The following PDE10A variants were observed in gnomAD, a reference collection of about 807,000 sequenced individuals.
PDE10A encodes phosphodiesterase 10A.
In PDE10A, 39 loss-of-function variants were observed where a neutral mutation model predicts 97.7. The observed-to-expected ratio is 0.40, with a 90% CI of 0.31 to 0.52. The LOEUF is 0.52. PDE10A is among the 20% of genes least tolerant of loss of function. The pLI is 0.56. For synonymous variants in PDE10A, 371 were observed against 376.8 expected, an observed-to-expected ratio of 0.98 and a Z score of 0.18; for missense variants, 731 against 1,047.8, an observed-to-expected ratio of 0.70 and a Z score of 4.17.
At chr6:165,650,862 C>A (rs1444992234) in intron 1 of PDE10A, among the ~76,000 whole-genome samples, 1 of 152,092 alleles carries the variant, frequency 6.6e-6, no homozygotes, top group Non-Finnish European at 1.5e-5. Flanking sequence ...CTCAGCCTCC[C>A]CAGTAGCTGG....
At position 165,343,376 on chromosome 6, in the gene PDE10A, G is replaced by C. The variant is rs771421953; in HGVS notation, c.2895+15C>G. 1.3e-6 allele frequency: 2 copies of C among 1,506,820 alleles called. No homozygotes were observed. The highest frequency in any genetic ancestry group is 1.1e-5 in the South Asian group (1 of 88,838). The allele number at this position is 1,506,820 out of a possible 1,614,324, so 93.3% of individuals were successfully genotyped here. On this transcript the variant is annotated intron_variant, in intron 19 of 21. Coordinates refer to ENST00000539869, the MANE Select transcript of PDE10A (RefSeq NM_001385079.1). ...CTCCTCACTATCTATGTCAATATAA[G>C]AATCAAGGACATACCTCAGCCCAGA... is the stretch of plus-strand genomic sequence containing the variant.
chr6:165,596,074 GATACCTTTATGGTGGAAAC>G (rs1786571427), intron 1 of PDE10A, among the ~76,000 whole-genome samples: 1 of 152,124 alleles, frequency 6.6e-6, no homozygotes, highest in Non-Finnish European at 1.5e-5. Context: ...AAGGAGAAAC[GATACCTTTATGGTGGAAAC>G]ATCTGGCAGA....
chr6:165,541,303 T>C (rs1011589428), intron 2 of PDE10A, among the ~76,000 whole-genome samples: 3 of 151,036 alleles, frequency 2.0e-5, no homozygotes, highest in African/African-American at 7.3e-5. Flanking sequence ...ATAAAAAACA[T>C]CTCCTTATAA....
chr6:165,359,781 G>A (rs1173460412), intron 18 of PDE10A, among the ~76,000 whole-genome samples: 1 of 151,764 alleles, frequency 6.6e-6, no homozygotes, highest in Non-Finnish European at 1.5e-5. Context: ...TGGGCTATAT[G>A]TAACATCTGT....
rs1488015754 is a variant in PDE10A, at chr6:165,662,757, C to T, written c.55G>A (p.Ala19Thr). ...GGGCCGCAGCCCGGCTCGTCCCCGGCCGCTGGCAGGGGACCCTGGGGGCGG... is the reference window on the plus strand; with the variant it reads ...GGGCCGCAGCCCGGCTCGTCCCCGGTCGCTGGCAGGGGACCCTGGGGGCGG... ...APRPQGPLPA[A>T]GDEPGCGPGK... is the part of the protein sequence containing the mutation. The change falls in exon 1 of 22, where the codon GCC becomes ACC. Residue 19 changes from alanine (A) to threonine (T), a missense_variant. Coordinates refer to ENST00000539869, the MANE Select transcript of PDE10A (RefSeq NM_001385079.1). 1.4e-5 allele frequency among the ~76,000 whole-genome samples: 2 copies of T among 148,120 alleles called. No individual in the cohort carries two copies. Among genetic ancestry groups the T allele is most frequent in the East Asian group, 4.1e-4 (2 of 4,882 alleles).
intron 1 of PDE10A, among the ~76,000 whole-genome samples, chr6:165,783,473 A>G (rs1370014947): frequency 6.6e-6 from 1 of 152,248 alleles, no homozygotes; most frequent in African/African-American, 2.4e-5. Flanking sequence ...GAGTACACTT[A>G]AAAAGAGGCC....
intron 3 of PDE10A, among the ~76,000 whole-genome samples, chr6:165,476,491 G>A (rs1322232312): frequency 6.6e-6 from 1 of 152,188 alleles, no homozygotes; most frequent in Non-Finnish European, 1.5e-5. Context: ...GTTCTAGAAT[G>A]TGTAGTAAAA....
At chr6:165,874,346 A>T (rs1212459645) in intron 1 of PDE10A, among the ~76,000 whole-genome samples, 1 of 149,752 alleles carries the variant, frequency 6.7e-6, no homozygotes, top group Non-Finnish European at 1.5e-5. Context: ...TGCTACTCAT[A>T]TGGTGGAAGA....
At chr6:165,540,992 A>G (rs1018313477) in intron 2 of PDE10A, among the ~76,000 whole-genome samples, 1 of 152,164 alleles carries the variant, frequency 6.6e-6, no homozygotes, top group African/African-American at 2.4e-5. Flanking sequence ...TGAAGGGAGG[A>G]AGCCTGGTTT....
At chr6:165,896,058 C>G (rs1456913775) in intron 1 of PDE10A, among the ~76,000 whole-genome samples, 1 of 152,208 alleles carries the variant, frequency 6.6e-6, no homozygotes, top group Non-Finnish European at 1.5e-5. Context: ...ACTGCAGAAG[C>G]AAAGGCCACA....
chr6:165,892,088 A>G (rs1330664304), intron 1 of PDE10A, among the ~76,000 whole-genome samples: 1 of 152,154 alleles, frequency 6.6e-6, no homozygotes, highest in Non-Finnish European at 1.5e-5. Flanking sequence ...GAAGAAGGAA[A>G]AAGTATTTAT....
At chr6:165,867,592 T>A (rs1376735565) in intron 1 of PDE10A, among the ~76,000 whole-genome samples, 1 of 151,950 alleles carries the variant, frequency 6.6e-6, no homozygotes, top group African/African-American at 2.4e-5. Flanking sequence ...GACTTCTACA[T>A]CTCGCTCTCA....
At chr6:165,971,532 C>T (rs911526250) in intron 1 of PDE10A, among the ~76,000 whole-genome samples, 33 of 152,276 alleles carry the variant, frequency 2.2e-4, no homozygotes, top group African/African-American at 7.2e-4. Context: ...TGTGACTGTG[C>T]GACTGTACGT....
chr6:165,809,139 C>T (rs1159347147), intron 1 of PDE10A, among the ~76,000 whole-genome samples: 4 of 152,192 alleles, frequency 2.6e-5, no homozygotes, highest in African/African-American at 7.2e-5. Flanking sequence ...CAGAGAACCA[C>T]GTTCTCTGAG....
chr6:165,912,431 T>C (rs1782489265), intron 1 of PDE10A, among the ~76,000 whole-genome samples: 1 of 152,212 alleles, frequency 6.6e-6, no homozygotes, highest in African/African-American at 2.4e-5. Flanking sequence ...CGTTCTCAGC[T>C]GAGGGTGGAC....
At chr6:165,828,396 G>A (rs1379164151) in intron 1 of PDE10A, among the ~76,000 whole-genome samples, 1 of 152,294 alleles carries the variant, frequency 6.6e-6, no homozygotes, top group South Asian at 2.1e-4. Flanking sequence ...TTAGCTAGGG[G>A]TGTTGGGACA....
At chr6:165,836,039 A>C (rs950446295) in intron 1 of PDE10A, among the ~76,000 whole-genome samples, 1 of 152,180 alleles carries the variant, frequency 6.6e-6, no homozygotes, top group Non-Finnish European at 1.5e-5. Context: ...ACAGTGCTCA[A>C]ACATTTTGCC....
chr6:165,920,577 T>C (rs888619707), intron 1 of PDE10A, among the ~76,000 whole-genome samples: 2 of 149,182 alleles, frequency 1.3e-5, no homozygotes, highest in African/African-American at 4.9e-5. Flanking sequence ...CACTTACACA[T>C]ACCTGCTTAC....
chr6:165,372,902 G>A (rs1267044485), intron 18 of PDE10A, among the ~76,000 whole-genome samples: 12 of 151,856 alleles, frequency 7.9e-5, no homozygotes, highest in Non-Finnish European at 4.4e-5. Context: ...TGGAACAGAA[G>A]AGAGCCCTCA....
Sources: allele counts gnomAD v4.1 joint callset (sites outside exome capture counted in the v4.1 genomes callset), GRCh38; gene constraint gnomAD v4.1.1; transcripts MANE v1.5; gene names NCBI Gene and HGNC (gene_info 2026-07-23, HGNC 2026-07-21).